Variants in CNTN5 observed in about 807,000 individuals in gnomAD.
CNTN5 encodes the protein contactin 5.
In CNTN5, 77 loss-of-function variants were observed where a neutral mutation model predicts 129.1. The ratio of observed to expected loss-of-function variants is 0.60; its 90% CI spans 0.50 to 0.72. CNTN5 has a LOEUF of 0.72. Ranked by LOEUF, CNTN5 falls within the 30% of genes least tolerant of loss-of-function variation. The pLI, the probability that CNTN5 is intolerant of heterozygous loss-of-function variation, is 0.00. For missense variants in CNTN5, 1,478 were observed against 1,328.8 expected (o/e 1.11, Z -1.75); for synonymous variants, 509 against 465.6 (o/e 1.09, Z -1.20).
At chr11:99,859,852 T>A (rs1017829063) in intron 6 of CNTN5, among the ~76,000 whole-genome samples, 4 of 152,190 alleles carry the variant, frequency 2.6e-5, no homozygotes, top group Non-Finnish European at 5.9e-5. Context: ...TGTTTTATTT[T>A]GGTTATATAC....
At chr11:99,856,091 C>T (rs1274531354) in intron 6 of CNTN5, among the ~76,000 whole-genome samples, 1 of 152,142 alleles carries the variant, frequency 6.6e-6, no homozygotes, top group Non-Finnish European at 1.5e-5. Context: ...TAATTACCTA[C>T]GTGTTGTGCA....
intron 8 of CNTN5, among the ~76,000 whole-genome samples, chr11:99,969,881 C>T (rs1951201874): frequency 6.6e-6 from 1 of 152,110 alleles, no homozygotes; most frequent in Admixed American, 6.5e-5. Flanking sequence ...GGTGTTCTTT[C>T]AAAACTCCAC....
chr11:100,325,503 T>C (rs1306744464), intron 21 of CNTN5, among the ~76,000 whole-genome samples: 1 of 152,194 alleles, frequency 6.6e-6, no homozygotes, highest in Non-Finnish European at 1.5e-5. Context: ...TTTTCTTTCC[T>C]TTCATCTTTG....
chr11:99,654,126 A>G (rs757570666), intron 3 of CNTN5, among the ~76,000 whole-genome samples: 7 of 152,126 alleles, frequency 4.6e-5, no homozygotes, highest in African/African-American at 7.2e-5. Context: ...ATCAGAACTG[A>G]GTCTTTGCTT....
intron 1 of CNTN5, among the ~76,000 whole-genome samples, chr11:99,171,997 T>C (rs1398822515): frequency 1.1e-4 from 17 of 152,158 alleles, no homozygotes; most frequent in Admixed American, 1.1e-3. Flanking sequence ...AAGTGAGCAA[T>C]TTCATTTTGA....
intron 18 of CNTN5, among the ~76,000 whole-genome samples, chr11:100,287,245 A>T (rs201889107): frequency 6.7e-6 from 1 of 148,594 alleles, no homozygotes; most frequent in African/African-American, 2.4e-5. Context: ...CAAATTCAGG[A>T]AATACAGAGA....
At position 99,095,584 on chromosome 11, in the gene CNTN5, A is replaced by G. The variant is rs17093986; in HGVS notation, c.-210+74314A>G. 2.5e-3 allele frequency among the ~76,000 whole-genome samples: 384 copies of G among 152,066 alleles called. 2 individuals carry two copies. Among genetic ancestry groups the G allele is most frequent in the East Asian group, 0.013 (66 of 5,184 alleles). On this transcript the variant is annotated intron_variant, in intron 1 of 24. Transcript: ENST00000524871. ...AAATCACCACTAAGATAAACGTAGG[A>G]GAAGAGACATAAAAGTACATTAATA...
chr11:99,243,511 G>A (rs1279203043), intron 1 of CNTN5, among the ~76,000 whole-genome samples: 2 of 151,808 alleles, frequency 1.3e-5, no homozygotes, highest in African/African-American at 4.8e-5. Flanking sequence ...GTTGCTCTTG[G>A]GACTGAGCCA....
intron 1 of CNTN5, among the ~76,000 whole-genome samples, chr11:99,244,913 G>A (rs901883740): frequency 1.3e-5 from 2 of 152,146 alleles, no homozygotes; most frequent in African/African-American, 4.8e-5. Context: ...TGAAAGGATA[G>A]TATTGAGTTA....
At chr11:99,743,251 A>G (rs181681354) in intron 3 of CNTN5, among the ~76,000 whole-genome samples, 2 of 152,320 alleles carry the variant, frequency 1.3e-5, no homozygotes, top group Admixed American at 6.5e-5. Flanking sequence ...ACAAGTATAA[A>G]TCATCCTCTT....
chr11:99,923,894 T>A (rs959373507), intron 7 of CNTN5, among the ~76,000 whole-genome samples: 1 of 152,074 alleles, frequency 6.6e-6, no homozygotes, highest in East Asian at 1.9e-4. Context: ...TTCAAGCGAT[T>A]CCCCTGCCTC....
chr11:100,029,676 T>A (rs1941607062), intron 9 of CNTN5, among the ~76,000 whole-genome samples: 1 of 152,228 alleles, frequency 6.6e-6, no homozygotes, highest in Non-Finnish European at 1.5e-5. Flanking sequence ...TATTCCTTCA[T>A]AATTGAGACT....
intron 13 of CNTN5, among the ~76,000 whole-genome samples, chr11:100,085,920 GA>G (rs1275548875): frequency 6.6e-6 from 1 of 152,030 alleles, no homozygotes; most frequent in African/African-American, 2.4e-5. Flanking sequence ...AGTGGTCTTG[GA>G]ATAGGATTTT....
At chr11:100,127,556 CTA>C (rs1314245737) in intron 13 of CNTN5, among the ~76,000 whole-genome samples, 1 of 149,656 alleles carries the variant, frequency 6.7e-6, no homozygotes, top group African/African-American at 2.5e-5. Flanking sequence ...AATTATTTTT[CTA>C]TGTTTTACCT....
At chr11:99,182,189 T>C (rs2135567762) in intron 1 of CNTN5, among the ~76,000 whole-genome samples, 1 of 152,304 alleles carries the variant, frequency 6.6e-6, no homozygotes, top group African/African-American at 2.4e-5. Context: ...GGATATTGCT[T>C]TTTCCCATTA....
chr11:100,317,254 T>C (rs1951589307), intron 21 of CNTN5, among the ~76,000 whole-genome samples: 1 of 152,198 alleles, frequency 6.6e-6, no homozygotes, highest in Admixed American at 6.5e-5. Flanking sequence ...CAATAACTCA[T>C]GCTGGGCAGA....
At chr11:99,971,266 C>A (rs61910573) in intron 8 of CNTN5, among the ~76,000 whole-genome samples, 2,697 of 152,076 alleles carry the variant, frequency 0.018, 29 homozygotes, top group Middle Eastern at 0.037. Flanking sequence ...TTTACAAGAC[C>A]GGGCATGGTG....
intron 1 of CNTN5, among the ~76,000 whole-genome samples, chr11:99,077,944 G>A (rs1241176796): frequency 6.6e-6 from 1 of 152,058 alleles, no homozygotes; most frequent in Non-Finnish European, 1.5e-5. Flanking sequence ...CTTTATAGCA[G>A]TATGAAAATG....
At chr11:100,021,308 C>G (rs1451704257) in intron 9 of CNTN5, among the ~76,000 whole-genome samples, 2 of 152,126 alleles carry the variant, frequency 1.3e-5, no homozygotes, top group Non-Finnish European at 2.9e-5. Context: ...GTGGACTAGT[C>G]TACAAATGTC....
Sources: allele counts gnomAD v4.1 joint callset (sites outside exome capture counted in the v4.1 genomes callset), GRCh38; gene constraint gnomAD v4.1.1; transcripts MANE v1.5; gene names NCBI Gene and HGNC (gene_info 2026-07-23, HGNC 2026-07-21).